The following ETV6 variants were observed in gnomAD, a reference collection of about 807,000 sequenced individuals.
The protein encoded by ETV6 is transcription factor ETV6.
ETV6 carries 16 observed loss-of-function variants against 51.1 expected under a neutral mutation model. The observed-to-expected ratio is 0.31, with a 90% CI of 0.21 to 0.48. ETV6 has a LOEUF of 0.48. Ranked by LOEUF, ETV6 falls within the 20% of genes least tolerant of loss-of-function variation. ETV6 has a pLI of 0.99. For synonymous variants in ETV6, 240 were observed against 224.1 expected, an observed-to-expected ratio of 1.07 and a Z score of -0.64; for missense variants, 458 against 594.8, an observed-to-expected ratio of 0.77 and a Z score of 2.39.
chr12:11,791,908 G>A (rs975903524), intron 2 of ETV6, among the ~76,000 whole-genome samples: 1 of 152,010 alleles, frequency 6.6e-6, no homozygotes, highest in Non-Finnish European at 1.5e-5. Context: ...TAATCTTCAG[G>A]GTGGGTGCAG....
intron 1 of ETV6, among the ~76,000 whole-genome samples, chr12:11,659,666 T>C (rs759484): frequency 0.98 from 149,854 of 152,302 alleles, 73,772 homozygotes; most frequent in East Asian, 1. Context: ...AAGCATTTCC[T>C]GGAAAAAATG....
intron 3 of ETV6, among the ~76,000 whole-genome samples, chr12:11,848,202 C>T (rs1003609541): frequency 5.3e-5 from 8 of 152,192 alleles, no homozygotes; most frequent in African/African-American, 1.9e-4. Context: ...ATCCTTATAA[C>T]AGCCCTGCCA....
At chr12:11,757,662 C>G (rs1432296737) in intron 2 of ETV6, among the ~76,000 whole-genome samples, 1 of 152,170 alleles carries the variant, frequency 6.6e-6, no homozygotes, top group Non-Finnish European at 1.5e-5. Context: ...TTGAAACCAC[C>G]TTTCAGCTTT....
chr12:11,766,299 A>G (rs1945160146), intron 2 of ETV6, among the ~76,000 whole-genome samples: 1 of 152,232 alleles, frequency 6.6e-6, no homozygotes, highest in Admixed American at 6.5e-5. Flanking sequence ...GTGGGCAGAC[A>G]GAGCTTCCTG....
At chr12:11,675,666 T>G (rs148047987) in intron 1 of ETV6, among the ~76,000 whole-genome samples, 5 of 152,220 alleles carry the variant, frequency 3.3e-5, no homozygotes, top group African/African-American at 9.6e-5. Context: ...TAAAATAAAT[T>G]AGCTGGATGT....
chr12:11,843,366 T>C (rs1053379647), intron 3 of ETV6, among the ~76,000 whole-genome samples: 1 of 152,226 alleles, frequency 6.6e-6, no homozygotes, highest in African/African-American at 2.4e-5. Context: ...GCTTTCTCCT[T>C]TAGCAGTTTG....
intron 1 of ETV6, among the ~76,000 whole-genome samples, chr12:11,656,331 C>T (rs1336618029): frequency 1.3e-5 from 2 of 152,150 alleles, no homozygotes; most frequent in East Asian, 3.8e-4. Context: ...TGAGGGCATT[C>T]CAAAGTGCAG....
chr12:11,839,117 C>G (rs1450345754), intron 2 of ETV6, 23 bp from the exon 3 acceptor site: 2 of 1,601,766 alleles, frequency 1.2e-6, no homozygotes, highest in African/African-American at 2.7e-5. Flanking sequence ...CTCTTTCTTT[C>G]TGCCTCATGC....
At chr12:11,659,688 GAAGT>G (rs1160501977) in intron 1 of ETV6, among the ~76,000 whole-genome samples, 1 of 152,190 alleles carries the variant, frequency 6.6e-6, no homozygotes, top group Non-Finnish European at 1.5e-5. Context: ...GCTACAGATA[GAAGT>G]AAGGCTCGTA....
intron 5 of ETV6, among the ~76,000 whole-genome samples, chr12:11,880,002 A>G (rs1200527143): frequency 6.6e-6 from 1 of 151,720 alleles, no homozygotes. Context: ...AGAAACAAAA[A>G]TAACTGACAT....
chr12:11,782,370 A>C (rs1945425889), intron 2 of ETV6, among the ~76,000 whole-genome samples: 1 of 152,208 alleles, frequency 6.6e-6, no homozygotes, highest in Admixed American at 6.5e-5. Context: ...AAGAGAGAAA[A>C]GAAGACTTTT....
At chr12:11,677,416 A>G (rs565040134) in intron 1 of ETV6, among the ~76,000 whole-genome samples, 1 of 152,346 alleles carries the variant, frequency 6.6e-6, no homozygotes, top group Admixed American at 6.5e-5. Flanking sequence ...GGACATATAT[A>G]CATGCACACA....
chr12:11,760,996 A>G (rs1279827636), intron 2 of ETV6, among the ~76,000 whole-genome samples: 1 of 152,024 alleles, frequency 6.6e-6, no homozygotes, highest in East Asian at 1.9e-4. Context: ...AATAATAACA[A>G]ACTCTGCACA....
chr12:11,757,795 A>G (rs1385591756), intron 2 of ETV6, among the ~76,000 whole-genome samples: 1 of 152,192 alleles, frequency 6.6e-6, no homozygotes, highest in Non-Finnish European at 1.5e-5. Flanking sequence ...TAGTGATGCC[A>G]CCTGATCATG....
intron 2 of ETV6, among the ~76,000 whole-genome samples, chr12:11,794,248 A>G (rs933890995): frequency 1.3e-5 from 2 of 152,176 alleles, no homozygotes; most frequent in Non-Finnish European, 2.9e-5. Flanking sequence ...CACTTAAAAT[A>G]GCTCTTGGAA....
chr12:11,871,987 T>G (rs1419645038), intron 5 of ETV6, among the ~76,000 whole-genome samples: 1 of 152,260 alleles, frequency 6.6e-6, no homozygotes, highest in Non-Finnish European at 1.5e-5. Context: ...ATTCTATAAA[T>G]GACCCATCTC....
intron 2 of ETV6, among the ~76,000 whole-genome samples, chr12:11,816,968 T>C (rs1320235208): frequency 2.0e-5 from 3 of 152,198 alleles, no homozygotes; most frequent in Non-Finnish European, 2.9e-5. Context: ...GCCATTACCA[T>C]AGTGGGCTGG....
chr12:11,791,965 G>C (rs1378098896), intron 2 of ETV6, among the ~76,000 whole-genome samples: 1 of 152,156 alleles, frequency 6.6e-6, no homozygotes, highest in Admixed American at 6.5e-5. Context: ...GAGACATTTT[G>C]AGAACCCCGT....
At chr12:11,704,292 GAGA>G (rs1230894806) in intron 1 of ETV6, among the ~76,000 whole-genome samples, 3 of 152,188 alleles carry the variant, frequency 2.0e-5, no homozygotes, top group Admixed American at 6.5e-5. Flanking sequence ...CAGAGAGAAG[GAGA>G]AGAAGGAAGT....
Sources: gnomAD v4.1 joint callset for allele counts (sites outside exome capture counted in the v4.1 genomes callset) on GRCh38, gnomAD v4.1.1 for gene constraint, MANE v1.5 for transcripts, NCBI Gene and HGNC (gene_info 2026-07-23, HGNC 2026-07-21) for gene names.